Variants in OXSM observed in about 807,000 individuals in gnomAD.
The protein encoded by OXSM is 3-oxoacyl-[acyl-carrier-protein] synthase, mitochondrial.
A neutral mutation model predicts 29.2 loss-of-function variants in OXSM; 19 were observed. The observed-to-expected ratio is 0.65, with a 90% CI of 0.45 to 0.96. OXSM has a LOEUF of 0.96. Ranked by LOEUF, OXSM falls within the 40% of genes least tolerant of loss-of-function variation. The pLI is 0.00. For synonymous variants in OXSM, 178 were observed against 197.1 expected (o/e 0.90, Z 0.81); for missense variants, 554 against 551.3 (o/e 1.00, Z -0.05).
chr3:25,793,156 T>TC (rs952261193), intron 2 of OXSM, among the ~76,000 whole-genome samples: 6 of 151,210 alleles, frequency 4.0e-5, no homozygotes, highest in African/African-American at 1.2e-4. Flanking sequence ...TTTCTTTCTT[T>TC]TTTTTTTTTT....
Position 25,794,451 on chromosome 3 carries a change from G to A in OXSM, c.1337G>A (p.Gly446Asp), listed in dbSNP as rs1708834987. 11 of 1,613,482 alleles carry A rather than the reference G, an allele frequency of 6.8e-6. No homozygotes were observed. Among genetic ancestry groups the A allele is most frequent in the South Asian group, 1.1e-5 (1 of 91,014 alleles). Residue 446 changes from glycine (G) to aspartate (D), a missense_variant, in exon 3 of 3, where the codon GGT (glycine) becomes GAT (aspartate). Physicochemically the swap from Gly to Asp is moderately conservative, Grantham distance 94 (BLOSUM62 -1). Transcript: ENST00000280701. ...TTTATTGGCCTCACCAATTCCTTTG[G>A]TTTTGGTGGTACTAATGCAACACTT... ...KRFIGLTNSF[G>D]FGGTNATLCI...
In OXSM at chr3:25,794,094, G is replaced by A. The variant is rs1708823000; in HGVS notation, c.980G>A (p.Cys327Tyr). ...PDPEGEGALR[C>Y]MAAALKDAGV... is the part of the protein sequence containing the mutation. ...AATGTCTTTTCTTGTTTTATTAGGT[G>A]TATGGCTGCTGCTTTAAAAGATGCA... Residue 327 changes from cysteine to tyrosine, a missense_variant and splice_region_variant, in exon 3 of 3, where the codon TGT becomes TAT. Coordinates refer to ENST00000280701, the MANE Select transcript of OXSM (RefSeq NM_017897.3). 2 of 1,609,848 alleles carry A rather than the reference G, an allele frequency of 1.2e-6. No homozygotes were observed. Among genetic ancestry groups the A allele is most frequent in the South Asian group, 1.1e-5 (1 of 90,252 alleles).
In OXSM at chr3:25,794,230, T is replaced by C; in HGVS notation, c.1116T>C (p.Tyr372=). The change falls in exon 3 of 3, where the codon TAT becomes TAC. Residue 372 remains tyrosine, a synonymous_variant. Transcript: ENST00000280701. ...AIKHLFKDHA[Y]ALAVSSTKGA... ...AACATCTCTTCAAAGACCATGCATA[T>C]GCCCTTGCAGTTTCCTCAACTAAGG... 6 of 1,614,252 alleles carry C rather than the reference T, an allele frequency of 3.7e-6. No homozygotes were observed. The highest frequency in any genetic ancestry group is 4.2e-6 in the Non-Finnish European group (5 of 1,180,036).
At position 25,791,462 on chromosome 3, in the gene OXSM, G is replaced by A; in HGVS notation, c.442G>A (p.Val148Ile). 6.2e-7 allele frequency: 1 copy of A among 1,614,206 alleles called. No homozygotes were observed. Among genetic ancestry groups the A allele is most frequent in the South Asian group, 1.1e-5 (1 of 91,086 alleles). The change falls in exon 2 of 3, where the codon GTT becomes ATT. Residue 148 changes from valine (V) to isoleucine (I), a missense_variant. Val to Ile is a conservative substitution (Grantham distance 29). Transcript: ENST00000280701. ...AGAAGCTGATCAAGTGGCTACTGGTGTTGCAATTGGCATGGGAATGATTCC... is the reference window on the plus strand; with the variant it reads ...AGAAGCTGATCAAGTGGCTACTGGTATTGCAATTGGCATGGGAATGATTCC... ...QSEADQVATGVAIGMGMIPLE... is the reference protein window; with the variant it reads ...QSEADQVATGIAIGMGMIPLE...
Position 25,794,466 on chromosome 3 carries a change from A to G in OXSM, c.1352A>G (p.Asn451Ser). 2 of 1,612,012 alleles carry G rather than the reference A, an allele frequency of 1.2e-6. No homozygotes were observed. The highest frequency in any genetic ancestry group is 1.7e-6 in the Non-Finnish European group (2 of 1,178,618). ...LTNSFGFGGT[N>S]ATLCIAGL is the part of the protein sequence containing the mutation. ...AATTCCTTTGGTTTTGGTGGTACTA[A>G]TGCAACACTTTGTATTGCTGGACTG... The change falls in exon 3 of 3, where the codon AAT (asparagine) becomes AGT (serine). Residue 451 changes from asparagine to serine, a missense_variant. Physicochemically the swap from Asn to Ser is conservative, Grantham distance 46 (BLOSUM62 1). Transcript: ENST00000280701.
intron 1 of OXSM, 41 bp from the exon 2 acceptor site, chr3:25,790,949 T>C: frequency 1.4e-6 from 2 of 1,463,200 alleles, no homozygotes; most frequent in Non-Finnish European, 1.9e-6. Flanking sequence ...CCTTAAGCTA[T>C]TTAAAAGAAT....
intron 1 of OXSM, 61 bp downstream of exon 1, chr3:25,790,208 G>A (rs1708700381): frequency 4.7e-6 from 2 of 426,940 alleles, no homozygotes; most frequent in Admixed American, 4.1e-5. Flanking sequence ...AAATCAAGTC[G>A]GGGTTGAATT....
In OXSM at chr3:25,794,351, C is replaced by G; in HGVS notation, c.1237C>G (p.Leu413Val). The change falls in exon 3 of 3, where the codon CTG (leucine) becomes GTG (valine). Residue 413 changes from leucine to valine, a missense_variant. Coordinates refer to ENST00000280701, the MANE Select transcript of OXSM (RefSeq NM_017897.3). ...YYQKLPPTLN[L>V]DCSEPEFDLN... ...TCAAAAACTACCACCTACTTTAAAC[C>G]TGGATTGTTCGGAACCAGAATTTGA... 1 of 1,614,176 alleles carries G rather than the reference C, an allele frequency of 6.2e-7. No homozygotes were observed. Among genetic ancestry groups the G allele is most frequent in the Non-Finnish European group, 8.5e-7 (1 of 1,180,030 alleles).
At position 25,793,544 on chromosome 3, in the gene OXSM, G is replaced by A. The variant is rs568150335; in HGVS notation, c.978-548G>A. Among the ~76,000 whole-genome samples the A allele has an allele frequency of 1.2e-4, 19 of 152,218 alleles. No homozygotes were observed. In the East Asian group the frequency reaches 3.5e-3, roughly 28 times the overall value. ...TTTTAGATATAATTTTTACTCTTAA[G>A]TTTGTTTGGCTTAGCTTGCCTTTGT... On this transcript the variant is annotated intron_variant, in intron 2 of 2. Coordinates refer to ENST00000280701, the MANE Select transcript of OXSM (RefSeq NM_017897.3).
In OXSM at chr3:25,791,925, T is replaced by A. The variant is rs755850168; in HGVS notation, c.905T>A (p.Val302Asp). The A allele has an allele frequency of 5.0e-6, 8 of 1,602,256 alleles. No homozygotes were observed. The highest frequency in any genetic ancestry group is 6.8e-6 in the Non-Finnish European group (8 of 1,179,880). Residue 302 changes from valine (V) to aspartate (D), a missense_variant, in exon 2 of 3, where the codon GTT becomes GAT. Physicochemically the swap from Val to Asp is radical, Grantham distance 152. Coordinates refer to ENST00000280701, the MANE Select transcript of OXSM (RefSeq NM_017897.3). ...AGAAGAGCCCGGATCTATGCAGAAG[T>A]TTTGGGCTATGGACTCTCAGGTGAT... ...VQRRARIYAE[V>D]LGYGLSGDAG...
intron 1 of OXSM, 91 bp from the exon 2 acceptor site, chr3:25,790,899 C>A: frequency 1.2e-6 from 1 of 863,746 alleles, no homozygotes; most frequent in Non-Finnish European, 1.8e-6. Flanking sequence ...CAGCTCATAT[C>A]AAGCACCCAA....
intron 2 of OXSM, 106 bp from the exon 3 acceptor site, chr3:25,793,986 C>T (rs1332098175): frequency 3.3e-6 from 3 of 899,330 alleles, no homozygotes; most frequent in Admixed American, 5.6e-5. Flanking sequence ...TCTTTTCATC[C>T]AGTGTACTTG....
rs558853617 is a variant in OXSM, at chr3:25,792,056, C to T, written c.977+59C>T. Reference sequence around the variant, plus strand: ...TCAAATAAGACACTTTATTGGGAATCCCAAATTAGGGAAGTTGTAGTGTCT... The same window carrying T: ...TCAAATAAGACACTTTATTGGGAATTCCAAATTAGGGAAGTTGTAGTGTCT... On this transcript the variant is annotated intron_variant, in intron 2 of 2. Coordinates refer to ENST00000280701, the MANE Select transcript of OXSM (RefSeq NM_017897.3). 2.1e-5 allele frequency: 31 copies of T among 1,460,806 alleles called. No individual in the cohort carries two copies. In the African/African-American group the frequency reaches 2.8e-4, roughly 13 times the overall value. The allele number at this position is 1,460,806 out of a possible 1,614,324, so 90.5% of individuals were successfully genotyped here.
intron 2 of OXSM, among the ~76,000 whole-genome samples, chr3:25,793,052 A>C (rs1372642834): frequency 6.6e-6 from 1 of 152,394 alleles, no homozygotes; most frequent in East Asian, 1.9e-4. Flanking sequence ...AACTATTTAC[A>C]AAAATAGGCA....
chr3:25,793,877 C>G (rs184104616), intron 2 of OXSM, among the ~76,000 whole-genome samples: 2 of 152,256 alleles, frequency 1.3e-5, no homozygotes, highest in Admixed American at 1.3e-4. Context: ...TGGTGATGAA[C>G]CAGTCCAAGG....
Position 25,791,956 on chromosome 3 carries a change from T to A in OXSM, c.936T>A (p.Gly312=). ...VLGYGLSGDA[G]HITAPDPEGE... The stretch of plus-strand genomic sequence containing the variant: ...GCTATGGACTCTCAGGTGATGCTGG[T>A]CACATAACTGCCCCTGATCCTGAAG... Residue 312 remains glycine (G), a synonymous_variant, in exon 2 of 3, where the codon GGT becomes GGA. Transcript: ENST00000280701. The A allele has an allele frequency of 6.2e-7, 1 of 1,600,196 alleles. No homozygotes were observed. The highest frequency in any genetic ancestry group is 8.5e-7 in the Non-Finnish European group (1 of 1,179,770).
chr3:25,794,313 T>G lies in OXSM; in HGVS notation c.1199T>G (p.Leu400Ter). 1 of 1,614,212 alleles carries G rather than the reference T, an allele frequency of 6.2e-7. No homozygotes were observed. The highest frequency in any genetic ancestry group is 8.5e-7 in the Non-Finnish European group (1 of 1,180,022). Residue 400 changes from leucine to a stop codon, truncating the protein, a stop_gained, in exon 3 of 3, where the codon TTA (leucine) becomes TGA (stop). Transcript: ENST00000280701. LOFTEE classifies it high-confidence loss of function. ...GCAGTCGAGGCAGCTTTTACCACATTAGCTTGTTATTATCAAAAACTACCA... is the reference window on the plus strand; with the variant it reads ...GCAGTCGAGGCAGCTTTTACCACATGAGCTTGTTATTATCAAAAACTACCA... ...AGAVEAAFTT[L>*]ACYYQKLPPT...
At position 25,791,186 on chromosome 3, in the gene OXSM, G is replaced by A. The variant is rs1708737772; in HGVS notation, c.166G>A (p.Gly56Ser). The change falls in exon 2 of 3, where the codon GGT (glycine) becomes AGT (serine). Residue 56 changes from glycine to serine, a missense_variant. Gly to Ser is a moderately conservative substitution (Grantham distance 56). Coordinates refer to ENST00000280701, the MANE Select transcript of OXSM (RefSeq NM_017897.3). ...AGGCATTGGCTTAGTGACTCCTCTT[G>A]GTGTTGGAACTCACCTGGTTTGGGA... ...ITGIGLVTPL[G>S]VGTHLVWDRL... 6.2e-7 allele frequency: 1 copy of A among 1,614,042 alleles called. No homozygotes were observed. The highest frequency in any genetic ancestry group is 1.7e-5 in the Admixed American group (1 of 60,004).
chr3:25,794,477 T>C lies in OXSM; in HGVS notation c.1363T>C (p.Cys455Arg), dbSNP rs986665180. 1.7e-5 allele frequency: 28 copies of C among 1,606,872 alleles called. No individual in the cohort carries two copies. The highest frequency in any genetic ancestry group is 2.2e-5 in the East Asian group (1 of 44,854). Residue 455 changes from cysteine (C) to arginine (R), a missense_variant, in exon 3 of 3, where the codon TGT (cysteine) becomes CGT (arginine). By Grantham distance (180) the Cys-to-Arg change is radical. Coordinates refer to ENST00000280701, the MANE Select transcript of OXSM (RefSeq NM_017897.3). ...TTTTGGTGGTACTAATGCAACACTT[T>C]GTATTGCTGGACTGTAGAACATATA... Reference protein sequence around the residue: ...FGFGGTNATLCIAGL With the variant: ...FGFGGTNATLRIAGL
Sources: allele counts gnomAD v4.1 joint callset (sites outside exome capture counted in the v4.1 genomes callset), GRCh38; gene constraint gnomAD v4.1.1; transcripts MANE v1.5; gene names NCBI Gene and HGNC (gene_info 2026-07-23, HGNC 2026-07-21).